The following E2F5 variants were observed in gnomAD, a reference collection of about 807,000 sequenced individuals.
The protein encoded by E2F5 is transcription factor E2F5.
A neutral mutation model predicts 39.1 loss-of-function variants in E2F5; 23 were observed. That is an observed-to-expected ratio of 0.59 (90% CI 0.42 to 0.83). E2F5 has a LOEUF of 0.83. Ranked by LOEUF, E2F5 falls within the 40% of genes least tolerant of loss-of-function variation. The pLI, the probability that E2F5 is intolerant of heterozygous loss-of-function variation, is 0.00. For missense variants in E2F5, 365 were observed against 406.7 expected, an observed-to-expected ratio of 0.90 and a Z score of 0.88; for synonymous variants, 145 against 157.8, an observed-to-expected ratio of 0.92 and a Z score of 0.61.
chr8:85,177,406 C>G lies in E2F5; in HGVS notation c.-15C>G, dbSNP rs2136034981. 1.0e-6 allele frequency: 1 copy of G among 987,496 alleles called. No individual in the cohort carries two copies. Among genetic ancestry groups the G allele is most frequent in the Non-Finnish European group, 1.2e-6 (1 of 832,362 alleles). The allele number at this position is 987,496 out of a possible 1,614,324, so 61.2% of individuals were successfully genotyped here. A position where few individuals can be genotyped will look rare whatever the true frequency, so the allele number is the denominator to read the frequency against. Reference sequence around the variant, plus strand: ...AAAGTGCGCGGGGGCCCGACCACCGCGGGGCCGGGACGCGATGGCGGCGGC... The same window carrying G: ...AAAGTGCGCGGGGGCCCGACCACCGGGGGGCCGGGACGCGATGGCGGCGGC... On this transcript the variant is annotated 5_prime_UTR_variant, in exon 1 of 8. Coordinates refer to ENST00000416274, the MANE Select transcript of E2F5 (RefSeq NM_001951.4).
intron 1 of E2F5, among the ~76,000 whole-genome samples, chr8:85,194,914 T>A (rs1477969205): frequency 6.6e-6 from 1 of 151,942 alleles, no homozygotes; most frequent in East Asian, 1.9e-4. Flanking sequence ...TGCCAGACAC[T>A]CTTCTATTTC....
chr8:85,202,296 C>T (rs762345775), intron 2 of E2F5, 40 bp downstream of exon 2: 25 of 897,150 alleles, frequency 2.8e-5, no homozygotes, highest in East Asian at 5.4e-5. Flanking sequence ...AACCTTTTTT[C>T]TTCTCAGTGC....
rs1236202168 is a variant in E2F5, at chr8:85,180,702, C to T, written c.234+3048C>T. On this transcript the variant is annotated intron_variant, in intron 1 of 7. Transcript: ENST00000416274. ...ATGCCATTCTCCTGCCTCAGCCTCC[C>T]GAGTAGCTGGGACTACAGGCACCCG... 5.4e-5 allele frequency among the ~76,000 whole-genome samples: 8 copies of T among 148,980 alleles called. No homozygotes were observed. The East Asian group carries it at 1.2e-3, about 22-fold the overall frequency.
Position 85,212,146 on chromosome 8 carries a change from ACT to A in E2F5, c.884-10_884-9del. On this transcript the variant is annotated splice_polypyrimidine_tract_variant and intron_variant, in intron 6 of 7. Coordinates refer to ENST00000416274, the MANE Select transcript of E2F5 (RefSeq NM_001951.4). Reference sequence around the variant, plus strand: ...AACAGAAATATAACAAAACTTTATTACTGTTTCCAGCAGGATCTATTAGTGGA... The same window carrying A: ...AACAGAAATATAACAAAACTTTATTAGTTTCCAGCAGGATCTATTAGTGGA... 1 of 1,602,762 alleles carries A rather than the reference ACT, an allele frequency of 6.2e-7. No homozygotes were observed. Among genetic ancestry groups the A allele is most frequent in the Non-Finnish European group, 8.5e-7 (1 of 1,171,814 alleles).
rs1812802184 is a variant in E2F5 at position 85,206,285 on chromosome 8, A to C, written c.550+65A>C. 8 of 1,482,644 alleles carry C rather than the reference A, an allele frequency of 5.4e-6. No homozygotes were observed. The South Asian group carries it at 9.3e-5, about 17-fold the overall frequency. The allele number at this position is 1,482,644 out of a possible 1,614,324, so 91.8% of individuals were successfully genotyped here. ...ACCTATTTAGTGGAGGGTGATTCAG[A>C]ATTCCCTGTGTCCTCATCCTGTCAT... On this transcript the variant is annotated intron_variant, in intron 4 of 7. Transcript: ENST00000416274.
intron 6 of E2F5, among the ~76,000 whole-genome samples, chr8:85,211,285 A>C (rs1812914959): frequency 6.6e-6 from 1 of 151,686 alleles, no homozygotes; most frequent in Non-Finnish European, 1.5e-5. Context: ...CTGTGGTCCC[A>C]GCTACTGGGG....
At chr8:85,207,287 A>G in intron 4 of E2F5, 138 bp from the exon 5 acceptor site, 1 of 627,092 alleles carries the variant, frequency 1.6e-6, no homozygotes, top group Non-Finnish European at 2.7e-6. Context: ...CCCCCATTTT[A>G]TAGAATTGAA....
chr8:85,209,695 C>G (rs1289287584), intron 6 of E2F5, among the ~76,000 whole-genome samples: 1 of 152,168 alleles, frequency 6.6e-6, no homozygotes, highest in Non-Finnish European at 1.5e-5. Context: ...CAGCCTATCA[C>G]AAGGTCAGGT....
chr8:85,186,623 A>G (rs546201158), intron 1 of E2F5, among the ~76,000 whole-genome samples: 3 of 147,558 alleles, frequency 2.0e-5, no homozygotes, highest in East Asian at 2.0e-4. Flanking sequence ...TATATAAGGT[A>G]TATATATGGT....
chr8:85,213,122 T>C (rs1052780912), intron 7 of E2F5: 1 of 148,816 alleles, frequency 6.7e-6, no homozygotes, highest in African/African-American at 2.5e-5. Context: ...GGTCTCAAAC[T>C]CCTGGCCTCA....
intron 1 of E2F5, among the ~76,000 whole-genome samples, chr8:85,181,689 G>C (rs1812217796): frequency 6.7e-6 from 1 of 148,910 alleles, no homozygotes; most frequent in South Asian, 2.2e-4. Context: ...GTCAGGCGTG[G>C]TGGCTCACGC....
chr8:85,213,559 AAAG>A, intron 7 of E2F5, 191 bp from the exon 8 acceptor site: 1 of 292,986 alleles, frequency 3.4e-6, no homozygotes. Context: ...AAAAAAAAAA[AAAG>A]AAAAAATTAA....
chr8:85,183,998 G>A (rs570639509), intron 1 of E2F5, among the ~76,000 whole-genome samples: 1 of 152,202 alleles, frequency 6.6e-6, no homozygotes, highest in South Asian at 2.1e-4. Context: ...GACCATGTGA[G>A]GACACAGCAG....
rs1031002260 is a variant in E2F5, at chr8:85,214,164, A to C, written c.*302A>C. 1.9e-6 allele frequency: 1 copy of C among 537,482 alleles called. No homozygotes were observed. Among genetic ancestry groups the C allele is most frequent in the Non-Finnish European group, 3.5e-6 (1 of 281,904 alleles). 33.3% of individuals were successfully genotyped at this position (537,482 alleles called of 1,614,324 possible). On this transcript the variant is annotated 3_prime_UTR_variant, in exon 8 of 8. Transcript: ENST00000416274. ...CTTCTGTTTTTTCTTCTTAAGGAGG[A>C]AAGTTAAAGGACACTACAGGTCATC...
intron 1 of E2F5, among the ~76,000 whole-genome samples, chr8:85,194,221 T>C (rs1469160479): frequency 6.6e-6 from 1 of 152,198 alleles, no homozygotes; most frequent in African/African-American, 2.4e-5. Context: ...TGTGTATGTG[T>C]GTGCCCAGTA....
At chr8:85,195,576 ACCT>A (rs1260686243) in intron 1 of E2F5, among the ~76,000 whole-genome samples, 2 of 151,994 alleles carry the variant, frequency 1.3e-5, no homozygotes, top group African/African-American at 2.4e-5. Flanking sequence ...TGCAACCTCA[ACCT>A]CCTGGGTTCT....
At chr8:85,188,205 A>G (rs1238773583) in intron 1 of E2F5, among the ~76,000 whole-genome samples, 1 of 152,110 alleles carries the variant, frequency 6.6e-6, no homozygotes, top group African/African-American at 2.4e-5. Flanking sequence ...AAAATCCAGA[A>G]TACTTTAATT....
chr8:85,182,280 T>G (rs1812237261), intron 1 of E2F5, among the ~76,000 whole-genome samples: 1 of 152,258 alleles, frequency 6.6e-6, no homozygotes, highest in African/African-American at 2.4e-5. Context: ...TTTTAGCTAA[T>G]GTTATCCTCT....
At chr8:85,188,089 T>C (rs1016827312) in intron 1 of E2F5, among the ~76,000 whole-genome samples, 1 of 152,138 alleles carries the variant, frequency 6.6e-6, no homozygotes, top group Non-Finnish European at 1.5e-5. Context: ...CCTCCTCACA[T>C]TTTGAATATT....
Sources: allele counts gnomAD v4.1 joint callset (sites outside exome capture counted in the v4.1 genomes callset), GRCh38; gene constraint gnomAD v4.1.1; transcripts MANE v1.5; gene names NCBI Gene and HGNC (gene_info 2026-07-23, HGNC 2026-07-21).